Variants in ITPR1 observed in about 807,000 individuals in gnomAD.
The protein encoded by ITPR1 is inositol 1,4,5-trisphosphate-gated calcium channel ITPR1.
In ITPR1, 96 loss-of-function variants were observed where a neutral mutation model predicts 318.4. The ratio of observed to expected loss-of-function variants is 0.30; its 90% CI spans 0.26 to 0.36. The LOEUF (loss-of-function observed/expected upper bound fraction) is 0.36, where lower values mean the gene tolerates loss of function less well. Ranked by LOEUF, ITPR1 falls within the 10% of genes least tolerant of loss-of-function variation. The pLI is 1.00. For synonymous variants in ITPR1, 1,312 were observed against 1,289.9 expected, an observed-to-expected ratio of 1.02 and a Z score of -0.37; for missense variants, 2,440 against 3,460.2, an observed-to-expected ratio of 0.71 and a Z score of 7.40.
chr3:4,645,819 C>G, intron 10 of ITPR1, 91 bp downstream of exon 10: 1 of 1,168,480 alleles, frequency 8.6e-7, no homozygotes, highest in Non-Finnish European at 1.2e-6. Context: ...AATATTCATA[C>G]ATACATATAC....
intron 4 of ITPR1, among the ~76,000 whole-genome samples, chr3:4,564,848 T>C (rs1423635223): frequency 2.0e-5 from 3 of 152,148 alleles, no homozygotes; most frequent in Non-Finnish European, 2.9e-5. Context: ...CACAGGAGTT[T>C]AAAAAAGGGG....
intron 44 of ITPR1, among the ~76,000 whole-genome samples, chr3:4,739,574 A>T (rs2043547825): frequency 6.6e-6 from 1 of 152,196 alleles, no homozygotes; most frequent in South Asian, 2.1e-4. Context: ...AAACTCAAGG[A>T]GGTTATGACT....
Position 4,494,915 on chromosome 3 carries a change from C to T in ITPR1, c.-17+409C>T, listed in dbSNP as rs554984386. 2.6e-5 allele frequency among the ~76,000 whole-genome samples: 4 copies of T among 152,302 alleles called. No homozygotes were observed. In the South Asian group the frequency reaches 6.2e-4, roughly 24 times the overall value. ...ATAGTCACTCTTTTCTAATTTTGAA[C>T]GTGTGCTTAATCAGAGTAGGTTGGA... On this transcript the variant is annotated intron_variant, in intron 2 of 61. Transcript: ENST00000649015.
intron 4 of ITPR1, among the ~76,000 whole-genome samples, chr3:4,549,959 G>T (rs373104090): frequency 6.6e-6 from 1 of 152,062 alleles, no homozygotes; most frequent in South Asian, 2.1e-4. Flanking sequence ...CTTCCCTGCC[G>T]CCAAAAAACA....
At position 4,791,492 on chromosome 3, in the gene ITPR1, G is replaced by A. The variant is rs186149717; in HGVS notation, c.6808+3353G>A. On this transcript the variant is annotated intron_variant, in intron 52 of 61. Transcript: ENST00000649015. ...GTGAGCATCTGATGCCCTTGCTGAT[G>A]TGACAGAGGCAGAGCTTAGGTGGTA... Among the ~76,000 whole-genome samples the A allele has an allele frequency of 8.3e-4, 127 of 152,318 alleles. No homozygotes were observed. The Middle Eastern group carries it at 0.01, about 12-fold the overall frequency.
chr3:4,660,769 A>G (rs777272437), intron 13 of ITPR1, among the ~76,000 whole-genome samples: 2 of 152,240 alleles, frequency 1.3e-5, no homozygotes, highest in African/African-American at 2.4e-5. Context: ...AGTATAATAT[A>G]TAACAGTAAC....
At chr3:4,622,930 G>T (rs1300799179) in intron 4 of ITPR1, among the ~76,000 whole-genome samples, 1 of 152,234 alleles carries the variant, frequency 6.6e-6, no homozygotes, top group Non-Finnish European at 1.5e-5. Context: ...TGCCTTCAGA[G>T]ACCTTACAGT....
At chr3:4,630,251 G>T (rs1201101500) in intron 5 of ITPR1, among the ~76,000 whole-genome samples, 2 of 152,032 alleles carry the variant, frequency 1.3e-5, no homozygotes, top group African/African-American at 4.8e-5. Flanking sequence ...ACTGGTGTAG[G>T]TATATGGTAT....
chr3:4,649,464 C>T (rs1251021963), intron 10 of ITPR1, among the ~76,000 whole-genome samples: 3 of 152,142 alleles, frequency 2.0e-5, no homozygotes, highest in African/African-American at 4.8e-5. Flanking sequence ...TTATTGATCA[C>T]CCCCAAACAA....
intron 39 of ITPR1, among the ~76,000 whole-genome samples, chr3:4,713,569 A>G (rs1308739405): frequency 6.6e-6 from 1 of 152,092 alleles, no homozygotes; most frequent in East Asian, 1.9e-4. Context: ...CCCTGCCCCT[A>G]CCCATTAGTG....
intron 36 of ITPR1, among the ~76,000 whole-genome samples, chr3:4,703,640 C>A (rs2094700034): frequency 6.6e-6 from 1 of 152,108 alleles, no homozygotes; most frequent in Non-Finnish European, 1.5e-5. Flanking sequence ...ACAAGAAGAG[C>A]AAGACAGGTG....
intron 4 of ITPR1, among the ~76,000 whole-genome samples, chr3:4,579,015 G>GAA (rs1461658866): frequency 5.3e-5 from 8 of 152,276 alleles, no homozygotes; most frequent in African/African-American, 1.7e-4. Flanking sequence ...TGCTGATTTT[G>GAA]CTTCCAGGCG....
intron 10 of ITPR1, among the ~76,000 whole-genome samples, chr3:4,648,548 G>A (rs1251495354): frequency 4.6e-5 from 7 of 152,202 alleles, no homozygotes; most frequent in African/African-American, 1.7e-4. Context: ...GATGGCTCAT[G>A]CCTGTAATCC....
chr3:4,531,363 A>G (rs1323467146), intron 4 of ITPR1, among the ~76,000 whole-genome samples: 1 of 152,038 alleles, frequency 6.6e-6, no homozygotes, highest in East Asian at 1.9e-4. Flanking sequence ...TTTCTCACCA[A>G]AGTTGCTGCA....
chr3:4,680,330 C>G (rs1164441453), intron 24 of ITPR1, among the ~76,000 whole-genome samples: 5 of 152,140 alleles, frequency 3.3e-5, no homozygotes, highest in Non-Finnish European at 7.3e-5. Flanking sequence ...GATGCTGAAG[C>G]TTACACTAGA....
chr3:4,570,858 A>T (rs1360842449), intron 4 of ITPR1, among the ~76,000 whole-genome samples: 4 of 152,216 alleles, frequency 2.6e-5, no homozygotes, highest in Non-Finnish European at 5.9e-5. Context: ...GACACATAGC[A>T]GTTCCAAAAC....
chr3:4,533,613 C>T (rs1014500916), intron 4 of ITPR1, among the ~76,000 whole-genome samples: 1 of 152,232 alleles, frequency 6.6e-6, no homozygotes. Context: ...TGGCCTTTGC[C>T]ATCTTGTAAA....
At chr3:4,764,005 G>A (rs77702206) in intron 44 of ITPR1, among the ~76,000 whole-genome samples, 5,257 of 152,352 alleles carry the variant, frequency 0.035, 146 homozygotes, top group African/African-American at 0.065. Flanking sequence ...GAACACAGCT[G>A]GGATAGCAGC....
chr3:4,672,498 A>G lies in ITPR1; in HGVS notation c.2205-638A>G, dbSNP rs546416720. ...TTTCTCGTTATTTCACATTTCAAGT[A>G]TGTTTACTCTTTCAGTGTTTGATGA... is the stretch of plus-strand genomic sequence containing the variant. On this transcript the variant is annotated intron_variant, in intron 20 of 61. Transcript: ENST00000649015. Among the ~76,000 whole-genome samples the G allele has an allele frequency of 3.3e-5, 5 of 152,320 alleles. No individual in the cohort carries two copies. In the South Asian group the frequency reaches 1.0e-3, roughly 32 times the overall value.
Sources: gnomAD v4.1 joint callset for allele counts (sites outside exome capture counted in the v4.1 genomes callset) on GRCh38, gnomAD v4.1.1 for gene constraint, MANE v1.5 for transcripts, NCBI Gene and HGNC (gene_info 2026-07-23, HGNC 2026-07-21) for gene names.